Variants in GPC4 observed in about 807,000 individuals in gnomAD.
GPC4 encodes glypican-4.
A neutral mutation model predicts 35.0 loss-of-function variants in GPC4; 10 were observed. That is an observed-to-expected ratio of 0.29 (90% CI 0.18 to 0.48). GPC4 has a LOEUF of 0.48. GPC4 is among the 20% of genes least tolerant of loss of function. GPC4 has a pLI of 0.99. For synonymous variants in GPC4, 167 were observed against 170.2 expected (o/e 0.98, Z 0.15); for missense variants, 322 against 451.3 (o/e 0.71, Z 2.60).
intron 1 of GPC4, among the ~76,000 whole-genome samples, chrX:133,359,456 T>C (rs2068557038): frequency 9.1e-6 from 1 of 110,344 alleles, no homozygotes; most frequent in Admixed American, 9.7e-5. Context: ...AGAGAAGGAA[T>C]AGAGAAAATC....
intron 1 of GPC4, among the ~76,000 whole-genome samples, chrX:133,403,485 T>C (rs2068774590): frequency 9.0e-6 from 1 of 111,480 alleles, no homozygotes; most frequent in Admixed American, 9.6e-5. Context: ...CACCTCCTAA[T>C]ACCATCACCT....
At position 133,303,277 on chromosome X, in the gene GPC4, C is replaced by T. The variant is rs750882215; in HGVS notation, c.1357G>A (p.Asp453Asn). 5.8e-6 allele frequency: 7 copies of T among 1,208,903 alleles called. No individual in the cohort carries two copies. Among genetic ancestry groups the T allele is most frequent in the African/African-American group, 5.3e-5 (3 of 57,123 alleles). The stretch of plus-strand genomic sequence containing the variant: ...ATCAGTATGTCTGGTTTGCTGGTGT[C>T]AACCTGGACCTCTGGGTTGTTGCCC... ...NQGNNPEVQVDTSKPDILILR... is the reference protein window; with the variant it reads ...NQGNNPEVQVNTSKPDILILR... The change falls in exon 8 of 9, where the codon GAC becomes AAC. Residue 453 changes from aspartate to asparagine, a missense_variant. Coordinates refer to ENST00000370828, the MANE Select transcript of GPC4 (RefSeq NM_001448.3).
intron 1 of GPC4, among the ~76,000 whole-genome samples, chrX:133,368,159 CT>C (rs1308395193): frequency 8.9e-6 from 1 of 112,325 alleles, no homozygotes. Flanking sequence ...TGCTGAGATT[CT>C]TTTGAATAAA....
intron 1 of GPC4, among the ~76,000 whole-genome samples, chrX:133,389,319 T>C (rs1341107943): frequency 9.0e-6 from 1 of 111,593 alleles, no homozygotes; most frequent in Non-Finnish European, 1.9e-5. Context: ...TGTCTTACTC[T>C]CTCTTATATC....
intron 1 of GPC4, among the ~76,000 whole-genome samples, chrX:133,354,617 G>A (rs6638080): frequency 0.013 from 1,363 of 103,564 alleles, 40 homozygotes; most frequent in African/African-American, 0.048. Flanking sequence ...GCCAGACTGC[G>A]GACTGCAGTG....
At chrX:133,339,146 T>A in intron 2 of GPC4, 37 bp downstream of exon 2, 2 of 1,199,221 alleles carry the variant, frequency 1.7e-6, no homozygotes, top group Non-Finnish European at 2.3e-6. Flanking sequence ...AGTACAGACC[T>A]AACTGCCGGT....
intron 1 of GPC4, among the ~76,000 whole-genome samples, chrX:133,376,057 C>T (rs2068631618): frequency 8.9e-6 from 1 of 112,219 alleles, no homozygotes; most frequent in Non-Finnish European, 1.9e-5. Context: ...CCCCAGGGTT[C>T]TCCTAATCCT....
intron 4 of GPC4, among the ~76,000 whole-genome samples, chrX:133,308,841 A>G (rs1230151486): frequency 9.0e-6 from 1 of 110,808 alleles, no homozygotes; most frequent in African/African-American, 3.3e-5. Flanking sequence ...AGAAACCCAC[A>G]TCTTCAGCCT....
At chrX:133,409,011 C>T (rs2068800881) in intron 1 of GPC4, among the ~76,000 whole-genome samples, 1 of 109,559 alleles carries the variant, frequency 9.1e-6, no homozygotes, top group Non-Finnish European at 1.9e-5. Context: ...AAAAATTAGC[C>T]GGGTATGGTG....
intron 1 of GPC4, 114 bp downstream of exon 1, chrX:133,414,692 C>A: frequency 8.6e-7 from 1 of 1,158,915 alleles, no homozygotes; most frequent in South Asian, 2.0e-5. Context: ...GCCCATTTCT[C>A]CCTCTAGTGT....
chrX:133,392,918 A>G (rs1260933221), intron 1 of GPC4, among the ~76,000 whole-genome samples: 1 of 111,868 alleles, frequency 8.9e-6, no homozygotes, highest in Non-Finnish European at 1.9e-5. Context: ...TGAGGCAGAC[A>G]ATTTAAAAGG....
intron 7 of GPC4, 45 bp downstream of exon 7, chrX:133,304,680 C>T (rs963827264): frequency 8.3e-7 from 1 of 1,199,068 alleles, no homozygotes; most frequent in South Asian, 1.8e-5. Flanking sequence ...GTCACCCAGG[C>T]ATCTAGGAAG....
At chrX:133,401,430 G>C (rs745935632) in intron 1 of GPC4, among the ~76,000 whole-genome samples, 2 of 111,805 alleles carry the variant, frequency 1.8e-5, no homozygotes, top group East Asian at 5.7e-4. Flanking sequence ...AGTAGTCACT[G>C]AGATGGTAAG....
At chrX:133,336,112 A>C (rs1388338449) in intron 2 of GPC4, among the ~76,000 whole-genome samples, 1 of 111,941 alleles carries the variant, frequency 8.9e-6, no homozygotes, top group African/African-American at 3.3e-5. Context: ...AGTTTGGATA[A>C]TTCTTTGGCC....
chrX:133,412,346 T>A (rs2068816607), intron 1 of GPC4, among the ~76,000 whole-genome samples: 1 of 112,298 alleles, frequency 8.9e-6, no homozygotes, highest in South Asian at 3.7e-4. Flanking sequence ...TGGGTCTGTC[T>A]GTGTTGTGAC....
intron 2 of GPC4, among the ~76,000 whole-genome samples, chrX:133,336,172 G>C (rs765317852): frequency 1.1e-4 from 12 of 111,741 alleles, no homozygotes; most frequent in Non-Finnish European, 1.9e-4. Context: ...CCTATAGCCT[G>C]TTAATCAATG....
chrX:133,414,269 G>C (rs1471744817), intron 1 of GPC4, among the ~76,000 whole-genome samples: 1 of 108,807 alleles, frequency 9.2e-6, no homozygotes, highest in Admixed American at 9.8e-5. Flanking sequence ...AGTTTTAAAA[G>C]AACATCAATG....
At chrX:133,327,438 G>T (rs1295698410) in intron 2 of GPC4, among the ~76,000 whole-genome samples, 1 of 111,668 alleles carries the variant, frequency 9.0e-6, no homozygotes, top group Non-Finnish European at 1.9e-5. Flanking sequence ...TACAGAAAAA[G>T]TAAAATATTA....
chrX:133,340,811 T>C (rs2068463588), intron 1 of GPC4, among the ~76,000 whole-genome samples: 1 of 111,782 alleles, frequency 8.9e-6, no homozygotes, highest in Non-Finnish European at 1.9e-5. Flanking sequence ...TCTTCCTTCC[T>C]GGCAGTTAAA....
Sources: gnomAD v4.1 joint callset for allele counts (sites outside exome capture counted in the v4.1 genomes callset) on GRCh38, gnomAD v4.1.1 for gene constraint, MANE v1.5 for transcripts, NCBI Gene and HGNC (gene_info 2026-07-23, HGNC 2026-07-21) for gene names.